ARL15: variants seen among roughly 807,000 people sequenced by gnomAD.
The protein encoded by ARL15 is ARF like GTPase 15.
ARL15 carries 19 observed loss-of-function variants against 25.2 expected under a neutral mutation model. The ratio of observed to expected loss-of-function variants is 0.75; its 90% CI spans 0.53 to 1.10. The LOEUF (loss-of-function observed/expected upper bound fraction) is 1.10, where lower values mean the gene tolerates loss of function less well. Among genes scored for constraint, ARL15 ranks in the 50% least tolerant of loss-of-function variants. The pLI, the probability that ARL15 is intolerant of heterozygous loss-of-function variation, is 0.00. For missense variants in ARL15, 220 were observed against 246.0 expected (o/e 0.89, Z 0.71); for synonymous variants, 94 against 86.8 (o/e 1.08, Z -0.46).
chr5:54,241,788 A>G (rs1756964867), intron 1 of ARL15, among the ~76,000 whole-genome samples: 1 of 152,156 alleles, frequency 6.6e-6, no homozygotes, highest in Admixed American at 6.5e-5. Flanking sequence ...GTCATATTAA[A>G]TGTTCTCCTT....
chr5:54,214,824 A>G (rs1171867100), intron 1 of ARL15, among the ~76,000 whole-genome samples: 1 of 152,162 alleles, frequency 6.6e-6, no homozygotes, highest in African/African-American at 2.4e-5. Flanking sequence ...CTTGCATAGC[A>G]TAGTAGCTGT....
intron 4 of ARL15, among the ~76,000 whole-genome samples, chr5:53,973,711 C>A (rs1290733722): frequency 6.6e-6 from 1 of 151,888 alleles, no homozygotes; most frequent in African/African-American, 2.4e-5. Flanking sequence ...TGTACTCCAG[C>A]CTGCATGGTA....
chr5:54,047,400 T>C (rs1750555699), intron 4 of ARL15, among the ~76,000 whole-genome samples: 1 of 152,182 alleles, frequency 6.6e-6, no homozygotes, highest in Non-Finnish European at 1.5e-5. Flanking sequence ...TCCTACTGCA[T>C]GTTTCATGTC....
chr5:54,122,751 C>T (rs1221156233), intron 3 of ARL15, among the ~76,000 whole-genome samples: 1 of 152,170 alleles, frequency 6.6e-6, no homozygotes, highest in Non-Finnish European at 1.5e-5. Context: ...AAACACAAAT[C>T]TAAGCACAAA....
intron 4 of ARL15, among the ~76,000 whole-genome samples, chr5:53,975,570 T>C (rs770105156): frequency 6.6e-6 from 1 of 152,222 alleles, no homozygotes; most frequent in Non-Finnish European, 1.5e-5. Context: ...TTCTGTTCCC[T>C]CTCTTGGCAA....
intron 4 of ARL15, among the ~76,000 whole-genome samples, chr5:54,053,361 T>C (rs1750758295): frequency 6.6e-6 from 1 of 152,218 alleles, no homozygotes. Context: ...AAACCTACTA[T>C]GTAGAAAAAT....
chr5:54,037,439 G>A (rs921019120), intron 4 of ARL15, among the ~76,000 whole-genome samples: 42 of 152,030 alleles, frequency 2.8e-4, no homozygotes, highest in African/African-American at 9.9e-4. Flanking sequence ...TGAATGAAAT[G>A]TAAGAAAGTA....
chr5:53,907,680 T>C (rs1172294150), intron 4 of ARL15, among the ~76,000 whole-genome samples: 1 of 150,656 alleles, frequency 6.6e-6, no homozygotes, highest in Non-Finnish European at 1.5e-5. Flanking sequence ...GTATTTTTAG[T>C]AGAGACGGGG....
intron 4 of ARL15, among the ~76,000 whole-genome samples, chr5:54,029,323 C>CCAA (rs1749891822): frequency 4.3e-5 from 5 of 117,524 alleles, no homozygotes; most frequent in Admixed American, 8.5e-5. Context: ...ACCACCACCA[C>CCAA]CACCACCACT....
In ARL15 at chr5:54,303,870, A is replaced by G. The variant is rs16882657; in HGVS notation, c.48+6562T>C. Among the ~76,000 whole-genome samples, 719 of 152,174 alleles carry G rather than the reference A, an allele frequency of 4.7e-3. 11 individuals carry two copies. Among genetic ancestry groups the G allele is most frequent in the African/African-American group, 0.017 (687 of 41,536 alleles). On this transcript the variant is annotated intron_variant, in intron 1 of 4. Transcript: ENST00000504924. Reference sequence around the variant, plus strand: ...GAGTAAGGAGGTTGCCTGAAAATCTATATGTGGTCACCTGGTGGAACACTA... The same window carrying G: ...GAGTAAGGAGGTTGCCTGAAAATCTGTATGTGGTCACCTGGTGGAACACTA...
chr5:53,995,298 C>T (rs1304842312), intron 4 of ARL15, among the ~76,000 whole-genome samples: 4 of 114,764 alleles, frequency 3.5e-5, no homozygotes, highest in Admixed American at 1.1e-4. Context: ...AGCGAGACTC[C>T]GTCACAAAAA....
chr5:54,098,973 G>A (rs1239067491), intron 4 of ARL15, among the ~76,000 whole-genome samples: 2 of 152,126 alleles, frequency 1.3e-5, no homozygotes, highest in East Asian at 3.9e-4. Flanking sequence ...ACTTTAATAT[G>A]CTTTAAAATA....
chr5:54,040,116 T>G (rs1398382650), intron 4 of ARL15, among the ~76,000 whole-genome samples: 1 of 152,180 alleles, frequency 6.6e-6, no homozygotes, highest in Admixed American at 6.6e-5. Flanking sequence ...AAATTCTAAT[T>G]TTTTGTTCTT....
intron 4 of ARL15, among the ~76,000 whole-genome samples, chr5:54,052,587 CT>C (rs1271756207): frequency 3.9e-5 from 6 of 152,118 alleles, no homozygotes; most frequent in Non-Finnish European, 7.4e-5. Context: ...CACTGTTTTA[CT>C]GAGAGATTAC....
chr5:54,273,014 A>C (rs112567944), intron 1 of ARL15, among the ~76,000 whole-genome samples: 1,642 of 152,340 alleles, frequency 0.011, 25 homozygotes, highest in African/African-American at 0.038. Context: ...TACCTAGTAT[A>C]GAATTAACAT....
At chr5:54,177,686 A>C (rs1251658728) in intron 1 of ARL15, among the ~76,000 whole-genome samples, 1 of 152,138 alleles carries the variant, frequency 6.6e-6, no homozygotes, top group South Asian at 2.1e-4. Flanking sequence ...TTAATTGTAC[A>C]TTTCATTTTC....
chr5:54,295,270 A>T (rs935892803), intron 1 of ARL15, among the ~76,000 whole-genome samples: 4 of 152,224 alleles, frequency 2.6e-5, no homozygotes, highest in Non-Finnish European at 5.9e-5. Flanking sequence ...CTCAGAAGAC[A>T]TGAAATGGAA....
intron 3 of ARL15, among the ~76,000 whole-genome samples, chr5:54,115,444 G>A (rs1459052600): frequency 1.3e-5 from 2 of 152,192 alleles, no homozygotes; most frequent in Non-Finnish European, 2.9e-5. Context: ...ATGGTGCTTG[G>A]GGCGGTGGGG....
At chr5:54,289,513 T>C (rs542980931) in intron 1 of ARL15, among the ~76,000 whole-genome samples, 8 of 152,354 alleles carry the variant, frequency 5.3e-5, no homozygotes, top group African/African-American at 1.9e-4. Context: ...ACCCCTTGCA[T>C]AGGCAAACAC....
Sources: allele counts gnomAD v4.1 joint callset (sites outside exome capture counted in the v4.1 genomes callset), GRCh38; gene constraint gnomAD v4.1.1; transcripts MANE v1.5; gene names NCBI Gene and HGNC (gene_info 2026-07-23, HGNC 2026-07-21).